The following MMP20 variants were observed in gnomAD, a reference collection of about 807,000 sequenced individuals.
MMP20 encodes the protein matrix metalloproteinase-20.
Under a neutral mutation model 51.8 loss-of-function variants are expected in MMP20, and 50 were observed. The ratio of observed to expected loss-of-function variants is 0.97; its 90% confidence interval spans 0.77 to 1.22. The LOEUF is 1.22. MMP20 is among the 50% of genes most tolerant of loss of function. The pLI is 0.00. For missense variants in MMP20, 663 were observed against 601.4 expected (o/e 1.10, Z -1.07); for synonymous variants, 244 against 216.2 (o/e 1.13, Z -1.13).
chr11:102,609,022 T>G lies in MMP20; in HGVS notation c.726A>C (p.Ala242=). Residue 242 remains alanine (A), a synonymous_variant, in exon 5 of 10, where the codon GCA becomes GCC. Transcript: ENST00000260228. ...LGLAHSTDPS[A]LMYPTYKYKN... is the part of the protein sequence containing the mutation. Reference sequence around the variant, plus strand: ...TGTACTTATAAGTTGGGTACATCAGTGCTGATGGGTCTGTGGAATGGGCCA... The same window carrying G: ...TGTACTTATAAGTTGGGTACATCAGGGCTGATGGGTCTGTGGAATGGGCCA... 6.2e-7 allele frequency: 1 copy of G among 1,613,948 alleles called. No individual in the cohort carries two copies. Among genetic ancestry groups the G allele is most frequent in the Non-Finnish European group, 8.5e-7 (1 of 1,179,816 alleles).
At chr11:102,600,152 C>G (rs965985053) in intron 6 of MMP20, among the ~76,000 whole-genome samples, 1 of 152,176 alleles carries the variant, frequency 6.6e-6, no homozygotes, top group Non-Finnish European at 1.5e-5. Context: ...AGTAATCTTA[C>G]AGCCAGAAAA....
intron 9 of MMP20, among the ~76,000 whole-genome samples, chr11:102,577,809 C>A (rs1452891640): frequency 6.6e-6 from 1 of 152,190 alleles, no homozygotes; most frequent in African/African-American, 2.4e-5. Flanking sequence ...ATGACTGCTG[C>A]CGATTCTGAT....
chr11:102,619,606 C>A lies in MMP20; in HGVS notation c.127-2547G>T, dbSNP rs545906778. On this transcript the variant is annotated intron_variant, in intron 1 of 9. Coordinates refer to ENST00000260228, the MANE Select transcript of MMP20 (RefSeq NM_004771.4). ...AAATGCCAAAAAAATCCATGATAAA[C>A]AAAATTTCAAAATTTTAAATACAGG... Among the ~76,000 whole-genome samples the A allele has an allele frequency of 5.9e-5, 9 of 151,874 alleles. No homozygotes were observed. The East Asian group carries it at 1.7e-3, about 29-fold the overall frequency.
At position 102,611,869 on chromosome 11, in the gene MMP20, C is replaced by G; in HGVS notation, c.409G>C (p.Glu137Gln). 1 of 1,614,130 alleles carries G rather than the reference C, an allele frequency of 6.2e-7. No individual in the cohort carries two copies. Among genetic ancestry groups the G allele is most frequent in the East Asian group, 2.2e-5 (1 of 44,882 alleles). ...SKYTPSMSSV[E>Q]VDKAVEMALQ... ...GCCATCTCCACTGCTTTGTCCACCT[C>G]GACAGAACTCATGGAAGGTGTGTAT... The change falls in exon 3 of 10, where the codon GAG becomes CAG. Residue 137 changes from glutamate to glutamine, a missense_variant. By Grantham distance (29) the Glu-to-Gln change is conservative. Coordinates refer to ENST00000260228, the MANE Select transcript of MMP20 (RefSeq NM_004771.4).
chr11:102,589,864 T>C (rs1859297589), intron 8 of MMP20, among the ~76,000 whole-genome samples: 1 of 152,206 alleles, frequency 6.6e-6, no homozygotes, highest in South Asian at 2.1e-4. Context: ...TATTATTTAT[T>C]TATTTATGGT....
At chr11:102,609,758 TC>T in intron 4 of MMP20, 146 bp downstream of exon 4, 1 of 1,064,370 alleles carries the variant, frequency 9.4e-7, no homozygotes, top group Non-Finnish European at 1.4e-6. Flanking sequence ...CCTTATGTGA[TC>T]CCTTTTGGAT....
intron 1 of MMP20, among the ~76,000 whole-genome samples, chr11:102,623,398 G>C (rs770104158): frequency 2.6e-5 from 4 of 152,152 alleles, no homozygotes; most frequent in Non-Finnish European, 5.9e-5. Flanking sequence ...CATCAGATTC[G>C]CATAGGAGCA....
rs1254279942 is a variant in MMP20, at chr11:102,616,875, T to A, written c.311A>T (p.Asp104Val). The change falls in exon 2 of 10, where the codon GAT becomes GTT. Residue 104 changes from aspartate to valine, a missense_variant. Coordinates refer to ENST00000260228, the MANE Select transcript of MMP20 (RefSeq NM_004771.4). ...AGGGAAGAGGCGATAATTGGCCACA[T>A]CAGGAACTCCACAGCGAGGCTTCTT... is the stretch of plus-strand genomic sequence containing the variant. ...VIKKPRCGVP[D>V]VANYRLFPGE... 1.2e-6 allele frequency: 2 copies of A among 1,614,122 alleles called. No individual in the cohort carries two copies. The highest frequency in any genetic ancestry group is 1.7e-6 in the Non-Finnish European group (2 of 1,180,050).
chr11:102,606,433 G>T, intron 6 of MMP20, 102 bp downstream of exon 6: 1 of 1,473,876 alleles, frequency 6.8e-7, no homozygotes, highest in Non-Finnish European at 9.4e-7. Context: ...CAGCATTTCT[G>T]CATGATCTTC....
intron 6 of MMP20, among the ~76,000 whole-genome samples, chr11:102,596,736 G>C (rs956863477): frequency 1.3e-5 from 2 of 152,238 alleles, no homozygotes; most frequent in Non-Finnish European, 2.9e-5. Flanking sequence ...CTTGAGGTTA[G>C]TCACATGTCC....
chr11:102,586,238 A>G (rs1259037092), intron 8 of MMP20, among the ~76,000 whole-genome samples: 1 of 152,100 alleles, frequency 6.6e-6, no homozygotes, highest in Non-Finnish European at 1.5e-5. Flanking sequence ...TCTTCTTTCA[A>G]TGTATTGGTA....
intron 6 of MMP20, among the ~76,000 whole-genome samples, chr11:102,602,252 G>T (rs1367823148): frequency 2.7e-5 from 4 of 147,354 alleles, no homozygotes; most frequent in Non-Finnish European, 6.0e-5. Flanking sequence ...ACAGGCTTGA[G>T]CCACCGCGCC....
intron 6 of MMP20, among the ~76,000 whole-genome samples, chr11:102,603,809 T>C (rs1859478766): frequency 6.6e-6 from 1 of 152,106 alleles, no homozygotes; most frequent in Non-Finnish European, 1.5e-5. Flanking sequence ...GATGAGAAGG[T>C]GGTGACTAAG....
chr11:102,592,238 A>T (rs185313396), intron 8 of MMP20, among the ~76,000 whole-genome samples: 6 of 152,306 alleles, frequency 3.9e-5, no homozygotes, highest in African/African-American at 1.4e-4. Context: ...AATTCCTGTC[A>T]TCATGTTTTA....
intron 6 of MMP20, among the ~76,000 whole-genome samples, 193 bp from the exon 7 acceptor site, chr11:102,594,950 G>A (rs1019892667): frequency 2.0e-5 from 3 of 149,740 alleles, no homozygotes; most frequent in African/African-American, 7.4e-5. Flanking sequence ...GTTTGGCCCA[G>A]GCTGGAGTGC....
chr11:102,623,705 C>G (rs898320529), intron 1 of MMP20, among the ~76,000 whole-genome samples: 6 of 152,234 alleles, frequency 3.9e-5, no homozygotes, highest in African/African-American at 4.8e-5. Context: ...CATAGACAAT[C>G]TGTAAACTAA....
At chr11:102,596,981 C>T (rs899344396) in intron 6 of MMP20, among the ~76,000 whole-genome samples, 5 of 152,178 alleles carry the variant, frequency 3.3e-5, no homozygotes, top group Non-Finnish European at 5.9e-5. Context: ...AAGTGTGTTC[C>T]AATTAATGCA....
chr11:102,609,917 T>C lies in MMP20; in HGVS notation c.637A>G (p.Met213Val), dbSNP rs766226760. 1.2e-5 allele frequency: 20 copies of C among 1,614,056 alleles called. No individual in the cohort carries two copies. The highest frequency in any genetic ancestry group is 1.7e-5 in the Admixed American group (1 of 60,008). The change falls in exon 4 of 10, where the codon ATG becomes GTG. Residue 213 changes from methionine to valine, a missense_variant. Transcript: ENST00000260228. ...TGTGCATATATACCATTCGTTCCCA[T>C]AGTCCACTTCTCAGCATTGTCGAAA... ...THFDNAEKWTMGTNGFNLFTV... is the reference protein window; with the variant it reads ...THFDNAEKWTVGTNGFNLFTV...
intron 6 of MMP20, among the ~76,000 whole-genome samples, chr11:102,603,948 A>G (rs970988357): frequency 1.3e-5 from 2 of 152,152 alleles, no homozygotes; most frequent in African/African-American, 4.8e-5. Flanking sequence ...AATCAAGACT[A>G]TGTCAAAAGA....
Sources: allele counts gnomAD v4.1 joint callset (sites outside exome capture counted in the v4.1 genomes callset), GRCh38; gene constraint gnomAD v4.1.1; transcripts MANE v1.5; gene names NCBI Gene and HGNC (gene_info 2026-07-23, HGNC 2026-07-21).